Variants in E2F3 observed in about 807,000 individuals in gnomAD.
E2F3 encodes transcription factor E2F3.
Under a neutral mutation model 44.4 loss-of-function variants are expected in E2F3, and 11 were observed. That is an observed-to-expected ratio of 0.25 (90% CI 0.16 to 0.41). The LOEUF is 0.41. Ranked by LOEUF, E2F3 falls within the 10% of genes least tolerant of loss-of-function variation. The pLI is 1.00. For synonymous variants in E2F3, 249 were observed against 253.0 expected (o/e 0.98, Z 0.15); for missense variants, 487 against 583.6 (o/e 0.83, Z 1.70).
chr6:20,449,936 G>T (rs1761072389), intron 1 of E2F3, among the ~76,000 whole-genome samples: 1 of 152,078 alleles, frequency 6.6e-6, no homozygotes, highest in South Asian at 2.1e-4. Flanking sequence ...CCATGTCCCT[G>T]CAAAGAACAC....
chr6:20,420,438 G>GGTGTGTGTGT (rs35566563), intron 1 of E2F3, among the ~76,000 whole-genome samples: 2 of 148,878 alleles, frequency 1.3e-5, no homozygotes, highest in Non-Finnish European at 3.0e-5. Context: ...GGCTTTCTCT[G>GGTGTGTGTGT]GTGTGTGTGT....
In E2F3 at chr6:20,482,873, C is replaced by G; in HGVS notation, c.837C>G (p.Ser279Arg). The change falls in exon 4 of 7, where the codon AGC (serine) becomes AGG (arginine). Residue 279 changes from serine to arginine, a missense_variant. By Grantham distance (110) the Ser-to-Arg change is moderately radical (BLOSUM62 -1). This residue lies in a region of E2F3 where 220 missense variants were observed against 261.7 expected (regional missense o/e 0.84). Transcript: ENST00000346618. The part of the protein sequence containing the change: ...EEKKLDELIQ[S>R]CTLDLKLLTE... ...AGAAATTAGATGAACTGATCCAAAG[C>G]TGCACCCTGGACCTCAAACTGTTAA... The G allele has an allele frequency of 6.2e-7, 1 of 1,613,914 alleles. No homozygotes were observed. The highest frequency in any genetic ancestry group is 1.1e-5 in the South Asian group (1 of 91,082).
At chr6:20,431,027 G>C (rs1207305093) in intron 1 of E2F3, among the ~76,000 whole-genome samples, 3 of 151,540 alleles carry the variant, frequency 2.0e-5, no homozygotes, top group Admixed American at 2.0e-4. Flanking sequence ...TCTGTCTCAA[G>C]AAAAAGAAAA....
At chr6:20,416,341 G>T (rs9295464) in intron 1 of E2F3, among the ~76,000 whole-genome samples, 37,960 of 151,980 alleles carry the variant, frequency 0.25, 5,853 homozygotes, top group East Asian at 0.45. Context: ...TTAGCAGATA[G>T]GTGTTAAGCA....
At chr6:20,447,120 G>A (rs536085279) in intron 1 of E2F3, among the ~76,000 whole-genome samples, 44 of 152,274 alleles carry the variant, frequency 2.9e-4, no homozygotes, top group African/African-American at 1.0e-3. Context: ...GGGAAAATAG[G>A]TAGATCCTCT....
chr6:20,477,134 T>C (rs1762071619), intron 1 of E2F3, among the ~76,000 whole-genome samples: 1 of 152,074 alleles, frequency 6.6e-6, no homozygotes, highest in East Asian at 1.9e-4. Flanking sequence ...GCCTGTTGTT[T>C]GGGGTTTTCA....
intron 1 of E2F3, among the ~76,000 whole-genome samples, chr6:20,468,656 G>C (rs1050743655): frequency 6.6e-6 from 1 of 152,194 alleles, no homozygotes; most frequent in Non-Finnish European, 1.5e-5. Flanking sequence ...GTTTAGAGAT[G>C]GGTCTGAAAG....
intron 3 of E2F3, among the ~76,000 whole-genome samples, chr6:20,482,347 T>TG (rs978047768): frequency 1.5e-4 from 23 of 150,500 alleles, no homozygotes; most frequent in Admixed American, 3.3e-4. Context: ...TTTTTGTTTT[T>TG]TTTTTTTTTT....
chr6:20,490,867 C>T lies in E2F3; in HGVS notation c.*437C>T, dbSNP rs1165138575. The T allele has an allele frequency of 1.3e-5, 3 of 229,380 alleles. No individual in the cohort carries two copies. Among genetic ancestry groups the T allele is most frequent in the African/African-American group, 6.6e-5 (3 of 45,118 alleles). The allele number at this position is 229,380 out of a possible 1,614,324, so 14.2% of individuals were successfully genotyped here. A position where few individuals can be genotyped will look rare whatever the true frequency, so the allele number is the denominator to read the frequency against. On this transcript the variant is annotated 3_prime_UTR_variant, in exon 7 of 7. Coordinates refer to ENST00000346618, the MANE Select transcript of E2F3 (RefSeq NM_001949.5). This position sits in a 1 kb window ranked among gnomAD's most constrained non-coding sequence, Gnocchi z 4.3. ...CAAGCCGTGCCTTCTCCGCAGAATGCATGTCTTTGAGGTCTGCTAATATGG... is the reference window on the plus strand; with the variant it reads ...CAAGCCGTGCCTTCTCCGCAGAATGTATGTCTTTGAGGTCTGCTAATATGG...
intron 1 of E2F3, among the ~76,000 whole-genome samples, chr6:20,463,403 T>C (rs372952358): frequency 9.9e-5 from 15 of 152,146 alleles, no homozygotes; most frequent in African/African-American, 3.4e-4. Context: ...AAGAGAGAGA[T>C]TTAAATGTAA....
chr6:20,410,283 C>A (rs571546732), intron 1 of E2F3, among the ~76,000 whole-genome samples: 6 of 152,162 alleles, frequency 3.9e-5, no homozygotes, highest in African/African-American at 1.4e-4. Flanking sequence ...ATAACCTGCA[C>A]CCTGTCCTAA....
intron 1 of E2F3, among the ~76,000 whole-genome samples, chr6:20,409,608 G>A (rs1390582102): frequency 6.6e-6 from 1 of 152,210 alleles, no homozygotes; most frequent in African/African-American, 2.4e-5. Flanking sequence ...ATTGAACAAG[G>A]TGTTCTTCCT....
intron 1 of E2F3, among the ~76,000 whole-genome samples, chr6:20,475,098 A>C (rs2127617178): frequency 6.6e-6 from 1 of 152,362 alleles, no homozygotes; most frequent in East Asian, 1.9e-4. Flanking sequence ...TTTTGGACCT[A>C]GTGATTGATT....
At chr6:20,441,830 C>T (rs147031842) in intron 1 of E2F3, among the ~76,000 whole-genome samples, 4,858 of 150,890 alleles carry the variant, frequency 0.032, 269 homozygotes, top group African/African-American at 0.11. Flanking sequence ...GGCCTCCCAA[C>T]GTGCTGGGAT....
At chr6:20,434,859 T>A (rs1241694420) in intron 1 of E2F3, among the ~76,000 whole-genome samples, 2 of 152,108 alleles carry the variant, frequency 1.3e-5, no homozygotes, top group African/African-American at 4.8e-5. Context: ...TTCATCAGAA[T>A]GAACAAAGGC....
chr6:20,438,044 GCA>G (rs1219797702), intron 1 of E2F3: 1 of 152,216 alleles, frequency 6.6e-6, no homozygotes, highest in African/African-American at 2.4e-5. Flanking sequence ...TTAGCCTTTA[GCA>G]CAGTGTGATG....
At chr6:20,436,800 G>C (rs1760602677) in intron 1 of E2F3, among the ~76,000 whole-genome samples, 1 of 152,152 alleles carries the variant, frequency 6.6e-6, no homozygotes. Flanking sequence ...ATTCCATTTA[G>C]AGAGTGGGGA....
At chr6:20,431,641 C>A (rs984280336) in intron 1 of E2F3, among the ~76,000 whole-genome samples, 7 of 152,046 alleles carry the variant, frequency 4.6e-5, no homozygotes, top group African/African-American at 1.7e-4. Flanking sequence ...CAGAATGAAG[C>A]CCCTGTTACC....
chr6:20,430,559 C>T lies in E2F3; in HGVS notation c.393+27934C>T, dbSNP rs1194697376. 2.0e-5 allele frequency among the ~76,000 whole-genome samples: 3 copies of T among 152,140 alleles called. No individual in the cohort carries two copies. The East Asian group carries it at 5.8e-4, about 29-fold the overall frequency. On this transcript the variant is annotated intron_variant, in intron 1 of 6. Coordinates refer to ENST00000346618, the MANE Select transcript of E2F3 (RefSeq NM_001949.5). ...CTTGAATAAACTGGAGTTAGTTGTTCACGTGACATTCAGAAGTACCATATT... is the reference window on the plus strand; with the variant it reads ...CTTGAATAAACTGGAGTTAGTTGTTTACGTGACATTCAGAAGTACCATATT...
Sources: gnomAD v4.1 joint callset for allele counts (sites outside exome capture counted in the v4.1 genomes callset) on GRCh38, gnomAD v4.1.1 for gene constraint, gnomAD v4.1.1 regional missense constraint, Gnocchi (gnomAD v3.1) non-coding constraint, MANE v1.5 for transcripts, NCBI Gene and HGNC (gene_info 2026-07-23, HGNC 2026-07-21) for gene names.